The following PPP1R8 variants were observed in gnomAD, a reference collection of about 807,000 sequenced individuals.
PPP1R8 encodes nuclear inhibitor of protein phosphatase 1.
PPP1R8 carries 4 observed loss-of-function variants against 31.3 expected under a neutral mutation model. The ratio of observed to expected loss-of-function variants is 0.13; its 90% CI spans 0.06 to 0.29. The LOEUF (loss-of-function observed/expected upper bound fraction) is 0.29. Among genes scored for constraint, PPP1R8 ranks in the 10% least tolerant of loss-of-function variants. The pLI, the probability that PPP1R8 is intolerant of heterozygous loss-of-function variation, is 1.00. For synonymous variants in PPP1R8, 170 were observed against 169.7 expected (o/e 1.00, Z -0.01); for missense variants, 254 against 440.1 (o/e 0.58, Z 3.78).
chr1:27,843,550 C>CT (rs2089242953), intron 5 of PPP1R8, among the ~76,000 whole-genome samples: 1 of 151,978 alleles, frequency 6.6e-6, no homozygotes, highest in African/African-American at 2.4e-5. Context: ...GTCCCAGCTA[C>CT]TTGGGAGGTT....
At chr1:27,845,980 C>CGG (rs2089276221) in intron 5 of PPP1R8, among the ~76,000 whole-genome samples, 1 of 151,552 alleles carries the variant, frequency 6.6e-6, no homozygotes, top group Admixed American at 6.6e-5. Context: ...TTAGTAGAGA[C>CGG]GGAGTTTCAC....
chr1:27,850,667 A>G lies in PPP1R8; in HGVS notation c.*221A>G, dbSNP rs760927122. On this transcript the variant is annotated 3_prime_UTR_variant, in exon 7 of 7. Coordinates refer to ENST00000311772, the MANE Select transcript of PPP1R8 (RefSeq NM_014110.5). Reference sequence around the variant, plus strand: ...TGCATTGTAGAGAAAGGCTTCTTATATCCTTTTCAATAGACTGCCCTGGCT... The same window carrying G: ...TGCATTGTAGAGAAAGGCTTCTTATGTCCTTTTCAATAGACTGCCCTGGCT... 1 of 502,154 alleles carries G rather than the reference A, an allele frequency of 2.0e-6. No homozygotes were observed. Among genetic ancestry groups the G allele is most frequent in the Non-Finnish European group, 3.5e-6 (1 of 283,400 alleles). 31.1% of individuals were successfully genotyped at this position (502,154 alleles called of 1,614,324 possible). A position where few individuals can be genotyped will look rare whatever the true frequency, so the allele number is the denominator to read the frequency against.
chr1:27,833,207 C>G (rs540414432), intron 2 of PPP1R8, among the ~76,000 whole-genome samples: 1 of 152,240 alleles, frequency 6.6e-6, no homozygotes, highest in East Asian at 1.9e-4. Context: ...TTAAGACATT[C>G]AGGCCCAACT....
intron 2 of PPP1R8, among the ~76,000 whole-genome samples, chr1:27,836,093 G>A (rs1000325780): frequency 9.2e-5 from 14 of 152,150 alleles, no homozygotes; most frequent in African/African-American, 3.4e-4. Context: ...ATTCCCAGCC[G>A]GGTACTAACT....
intron 2 of PPP1R8, among the ~76,000 whole-genome samples, chr1:27,835,098 C>T (rs1181064815): frequency 1.3e-4 from 19 of 151,988 alleles, no homozygotes; most frequent in Non-Finnish European, 4.4e-5. Context: ...TTTGGAGGCA[C>T]TCTTTTTTTT....
chr1:27,836,445 T>C (rs1452189796), intron 2 of PPP1R8, among the ~76,000 whole-genome samples: 1 of 152,184 alleles, frequency 6.6e-6, no homozygotes, highest in Non-Finnish European at 1.5e-5. Context: ...AGATAGAGTC[T>C]TGCTCTGTCG....
rs779888599 is a variant in PPP1R8 at position 27,850,108 on chromosome 1, G to A, written c.718G>A (p.Gly240Ser). ...VVPVKKKRVEGPGSLGLEESG... is the reference protein window; with the variant it reads ...VVPVKKKRVESPGSLGLEESG... ...TGAACTGTAGAAGAAGCGTGTGGAGGGCCCTGGCTCCCTGGGCCTGGAGGA... is the reference window on the plus strand; with the variant it reads ...TGAACTGTAGAAGAAGCGTGTGGAGAGCCCTGGCTCCCTGGGCCTGGAGGA... Residue 240 changes from glycine (G) to serine (S), a missense_variant, in exon 7 of 7, where the codon GGC becomes AGC. This residue lies in a region of PPP1R8 where 105 missense variants were observed against 128.0 expected (regional missense o/e 0.82). Transcript: ENST00000311772. The A allele has an allele frequency of 6.3e-7, 1 of 1,576,158 alleles. No homozygotes were observed. Among genetic ancestry groups the A allele is most frequent in the Non-Finnish European group, 8.6e-7 (1 of 1,159,182 alleles).
At chr1:27,849,371 CAAAAAAAA>C (rs544902286) in intron 6 of PPP1R8, among the ~76,000 whole-genome samples, 13 of 77,452 alleles carry the variant, frequency 1.7e-4, no homozygotes, top group South Asian at 1.7e-3. Context: ...AACTCTGTCT[CAAAAAAAA>C]AAAAAAAAAA....
At chr1:27,832,271 A>G (rs937580143) in intron 1 of PPP1R8, among the ~76,000 whole-genome samples, 4 of 152,206 alleles carry the variant, frequency 2.6e-5, no homozygotes, top group Admixed American at 6.5e-5. Context: ...GAATTGCCCT[A>G]GTTCCCTAAT....
intron 2 of PPP1R8, 56 bp downstream of exon 2, chr1:27,832,872 G>T: frequency 6.9e-7 from 1 of 1,443,932 alleles, no homozygotes; most frequent in African/African-American, 1.4e-5. Flanking sequence ...TTTTGCCAGT[G>T]ACTCACTTTT....
rs927539302 is a variant in PPP1R8, at chr1:27,851,608, C to T, written c.*1162C>T. ...GAAATGTTTGCTAAAGGCACAGTCA[C>T]TGGGCTTGGGAGGCAATGCTCCATC... On this transcript the variant is annotated 3_prime_UTR_variant, in exon 7 of 7. Coordinates refer to ENST00000311772, the MANE Select transcript of PPP1R8 (RefSeq NM_014110.5). 4.1e-5 allele frequency: 21 copies of T among 507,698 alleles called. No individual in the cohort carries two copies. The highest frequency in any genetic ancestry group is 3.6e-4 in the Admixed American group (18 of 50,096). 31.4% of individuals were successfully genotyped at this position (507,698 alleles called of 1,614,324 possible).
At position 27,850,501 on chromosome 1, in the gene PPP1R8, T is replaced by C; in HGVS notation, c.*55T>C. ...GGGTGGGAATGGGGTGGAAGGGTGATGGGGAGCTAATGAACTAGGGAGAAA... is the reference window on the plus strand; with the variant it reads ...GGGTGGGAATGGGGTGGAAGGGTGACGGGGAGCTAATGAACTAGGGAGAAA... On this transcript the variant is annotated 3_prime_UTR_variant, in exon 7 of 7. Transcript: ENST00000311772. The C allele has an allele frequency of 6.9e-7, 1 of 1,454,734 alleles. No homozygotes were observed. The allele number at this position is 1,454,734 out of a possible 1,614,324, so 90.1% of individuals were successfully genotyped here. A position where few individuals can be genotyped will look rare whatever the true frequency, so the allele number is the denominator to read the frequency against.
At position 27,841,049 on chromosome 1, in the gene PPP1R8, C is replaced by T. The variant is rs1303948629; in HGVS notation, c.307C>T (p.Pro103Ser). The T allele has an allele frequency of 5.6e-6, 9 of 1,614,166 alleles. No individual in the cohort carries two copies. The highest frequency in any genetic ancestry group is 1.7e-5 in the Admixed American group (1 of 60,010). The change falls in exon 4 of 7, where the codon CCT (proline) becomes TCT (serine). Residue 103 changes from proline (P) to serine (S), a missense_variant. Pro to Ser is a moderately conservative substitution (Grantham distance 74). This residue lies in a region of PPP1R8 where 52 missense variants were observed against 145.3 expected (regional missense o/e 0.36). Coordinates refer to ENST00000311772, the MANE Select transcript of PPP1R8 (RefSeq NM_014110.5). ...GTFLGHIRLE[P>S]HKPQQIPIDS... ...TTTCTTGGGTCACATTCGGTTGGAA[C>T]CTCACAAGCCTCAGCAAATTCCCAT...
intron 4 of PPP1R8, among the ~76,000 whole-genome samples, chr1:27,842,079 G>A (rs1571551685): frequency 1.3e-5 from 2 of 152,222 alleles, no homozygotes; most frequent in East Asian, 3.8e-4. Context: ...AGTGGCTCAT[G>A]TTTGTAACCC....
At position 27,850,666 on chromosome 1, in the gene PPP1R8, T is replaced by C. The variant is rs1409079342; in HGVS notation, c.*220T>C. 1.9e-5 allele frequency: 10 copies of C among 513,576 alleles called. No individual in the cohort carries two copies. The highest frequency in any genetic ancestry group is 3.8e-5 in the African/African-American group (2 of 52,764). 31.8% of individuals were successfully genotyped at this position (513,576 alleles called of 1,614,324 possible). ...TTGCATTGTAGAGAAAGGCTTCTTA[T>C]ATCCTTTTCAATAGACTGCCCTGGC... On this transcript the variant is annotated 3_prime_UTR_variant, in exon 7 of 7. Transcript: ENST00000311772.
chr1:27,842,342 CAAAAA>C (rs567804256), intron 4 of PPP1R8, among the ~76,000 whole-genome samples: 1 of 63,190 alleles, frequency 1.6e-5, no homozygotes. Context: ...AACTCCGTCT[CAAAAA>C]AAAAAAAAAA....
intron 4 of PPP1R8, 31 bp downstream of exon 4, chr1:27,841,265 T>A (rs750959208): frequency 6.2e-6 from 10 of 1,609,978 alleles, no homozygotes; most frequent in Non-Finnish European, 8.5e-6. Context: ...TTGTTTTGTC[T>A]TTGGGGACCC....
chr1:27,834,096 G>T (rs991819554), intron 2 of PPP1R8, among the ~76,000 whole-genome samples: 8 of 152,162 alleles, frequency 5.3e-5, no homozygotes, highest in Non-Finnish European at 1.0e-4. Context: ...AGACATATAG[G>T]GATCTGTTTT....
intron 2 of PPP1R8, among the ~76,000 whole-genome samples, chr1:27,838,101 C>G (rs901377169): frequency 4.7e-5 from 7 of 150,498 alleles, no homozygotes; most frequent in African/African-American, 1.7e-4. Flanking sequence ...ATCCCAGCTA[C>G]TTGGGAGGCT....
Sources: allele counts gnomAD v4.1 joint callset (sites outside exome capture counted in the v4.1 genomes callset), GRCh38; gene constraint gnomAD v4.1.1; regional missense constraint gnomAD v4.1.1; transcripts MANE v1.5; gene names NCBI Gene and HGNC (gene_info 2026-07-23, HGNC 2026-07-21).